Variants in FYN observed in about 807,000 individuals in gnomAD.
The protein encoded by FYN is tyrosine-protein kinase Fyn.
In FYN, 10 loss-of-function variants were observed where a neutral mutation model predicts 70.2. The observed-to-expected ratio is 0.14, with a 90% CI of 0.09 to 0.24. FYN has a LOEUF of 0.24. Ranked by LOEUF, FYN falls within the 10% of genes least tolerant of loss-of-function variation. The probability of loss-of-function intolerance (pLI) is 1.00; values close to 1 mark genes in which losing one functional copy is unlikely to be tolerated. For missense variants in FYN, 319 were observed against 673.1 expected, an observed-to-expected ratio of 0.47 and a Z score of 5.82; for synonymous variants, 236 against 248.6, an observed-to-expected ratio of 0.95 and a Z score of 0.48.
intron 13 of FYN, among the ~76,000 whole-genome samples, chr6:111,672,515 C>G (rs188173071): frequency 1.6e-3 from 237 of 152,308 alleles, no homozygotes; most frequent in Non-Finnish European, 2.9e-3. Context: ...GAATGAAGAT[C>G]TAGGCCCCAT....
intron 1 of FYN, among the ~76,000 whole-genome samples, chr6:111,863,807 T>G (rs193272939): frequency 6.6e-6 from 1 of 152,332 alleles, no homozygotes; most frequent in African/African-American, 2.4e-5. Context: ...CTGTGCGGAT[T>G]TATGATCCCG....
chr6:111,662,073 C>T, intron 13 of FYN, 126 bp from the exon 14 acceptor site: 1 of 709,060 alleles, frequency 1.4e-6, no homozygotes, highest in Non-Finnish European at 2.3e-6. Context: ...ACTCCCATCC[C>T]CCCAGGAGTC....
chr6:111,839,284 A>G (rs1773281700), intron 2 of FYN, among the ~76,000 whole-genome samples: 1 of 152,096 alleles, frequency 6.6e-6, no homozygotes, highest in African/African-American at 2.4e-5. Flanking sequence ...TTTGTTCTCT[A>G]GATCCCTATC....
At chr6:111,716,381 T>C (rs1800643085) in intron 4 of FYN, among the ~76,000 whole-genome samples, 2 of 152,308 alleles carry the variant, frequency 1.3e-5, no homozygotes, top group Non-Finnish European at 2.9e-5. Flanking sequence ...ATAAGATAAA[T>C]TTGTTTTTGT....
At chr6:111,692,151 T>C (rs1022169807) in intron 12 of FYN, among the ~76,000 whole-genome samples, 2 of 144,964 alleles carry the variant, frequency 1.4e-5, no homozygotes, top group Non-Finnish European at 3.0e-5. Flanking sequence ...TACTTCTCTC[T>C]TTCTAGTGTT....
chr6:111,785,353 C>T (rs956583451), intron 2 of FYN, among the ~76,000 whole-genome samples: 1 of 152,200 alleles, frequency 6.6e-6, no homozygotes, highest in Admixed American at 6.5e-5. Context: ...CTGTTATTTT[C>T]CCAGTGCTTA....
chr6:111,820,070 T>A (rs974513212), intron 2 of FYN: 1 of 152,180 alleles, frequency 6.6e-6, no homozygotes, highest in African/African-American at 2.4e-5. Context: ...CCTATGGCTA[T>A]CAGATGATAG....
Position 111,694,505 on chromosome 6 carries a change from G to A in FYN, c.1143C>T (p.Ile381=), listed in dbSNP as rs373532821. Residue 381 remains isoleucine (I), a synonymous_variant, in exon 12 of 14, where the codon ATC becomes ATT. Transcript: ENST00000354650. This position sits in a 1 kb window ranked among gnomAD's most constrained non-coding sequence, Gnocchi z 5.0. ...AAQVAAGMAY[I]ERMNYIHRDL... is the part of the protein sequence containing the mutation. ...CTCTATGGATATAATTCATGCGCTC[G>A]ATGTAAGCCATTCCTGCAGCCACCT... The A allele has an allele frequency of 1.7e-5, 27 of 1,614,142 alleles. No individual in the cohort carries two copies. Among genetic ancestry groups the A allele is most frequent in the African/African-American group, 1.2e-4 (9 of 75,012 alleles).
intron 2 of FYN, among the ~76,000 whole-genome samples, chr6:111,790,009 A>C (rs1218846918): frequency 6.6e-6 from 1 of 152,156 alleles, no homozygotes; most frequent in African/African-American, 2.4e-5. Context: ...CTACAATATC[A>C]GAATCCCAGA....
chr6:111,669,588 C>T (rs1043907595), intron 13 of FYN, among the ~76,000 whole-genome samples: 4 of 152,060 alleles, frequency 2.6e-5, no homozygotes, highest in African/African-American at 9.7e-5. Context: ...GAAATGATCA[C>T]AGGGTCAATT....
chr6:111,673,254 C>T (rs561600954), intron 13 of FYN, among the ~76,000 whole-genome samples: 14 of 152,238 alleles, frequency 9.2e-5, no homozygotes, highest in East Asian at 1.9e-4. Flanking sequence ...TGGCGATTCC[C>T]GGAGTGTCTG....
chr6:111,668,763 G>A (rs1192140006), intron 13 of FYN, among the ~76,000 whole-genome samples: 1 of 152,136 alleles, frequency 6.6e-6, no homozygotes, highest in Admixed American at 6.5e-5. Flanking sequence ...CTCTCTGAGG[G>A]GACATCATGA....
chr6:111,809,998 T>C (rs1381676229), intron 2 of FYN, among the ~76,000 whole-genome samples: 1 of 152,222 alleles, frequency 6.6e-6, no homozygotes, highest in African/African-American at 2.4e-5. Flanking sequence ...GATTAATGAC[T>C]GATTTCCTTA....
intron 2 of FYN, among the ~76,000 whole-genome samples, chr6:111,783,577 G>T (rs994797913): frequency 6.6e-6 from 1 of 152,200 alleles, no homozygotes; most frequent in Non-Finnish European, 1.5e-5. Context: ...AAATTTTCGT[G>T]AGTGCTCCCA....
chr6:111,763,652 T>A (rs1803094903), intron 3 of FYN, among the ~76,000 whole-genome samples: 1 of 152,244 alleles, frequency 6.6e-6, no homozygotes, highest in South Asian at 2.1e-4. Context: ...ACATTAATAT[T>A]ATAACATACG....
At chr6:111,718,134 A>G (rs1024319574) in intron 4 of FYN, among the ~76,000 whole-genome samples, 1 of 152,224 alleles carries the variant, frequency 6.6e-6, no homozygotes, top group Admixed American at 6.5e-5. Context: ...GGCAAGGCAC[A>G]TGAAGACCAG....
At chr6:111,666,065 A>G (rs9374272) in intron 13 of FYN, among the ~76,000 whole-genome samples, 7,371 of 127,028 alleles carry the variant, frequency 0.058, 221 homozygotes, top group East Asian at 0.11. Flanking sequence ...GCAGTGGCAC[A>G]ATCTCGGCTC....
intron 6 of FYN, among the ~76,000 whole-genome samples, chr6:111,704,928 G>A (rs1201399281): frequency 6.6e-6 from 1 of 152,018 alleles, no homozygotes; most frequent in African/African-American, 2.4e-5. Context: ...TGGGTGTGGT[G>A]GCATGCACCT....
intron 3 of FYN, among the ~76,000 whole-genome samples, chr6:111,775,229 G>C (rs552454878): frequency 6.6e-6 from 1 of 152,144 alleles, no homozygotes; most frequent in Non-Finnish European, 1.5e-5. Flanking sequence ...GGAAATTTTG[G>C]TTTATAAGTG....
Sources: gnomAD v4.1 joint callset for allele counts (sites outside exome capture counted in the v4.1 genomes callset) on GRCh38, gnomAD v4.1.1 for gene constraint, Gnocchi (gnomAD v3.1) non-coding constraint, MANE v1.5 for transcripts, NCBI Gene and HGNC (gene_info 2026-07-23, HGNC 2026-07-21) for gene names.